Variants in DTNA observed in about 807,000 individuals in gnomAD.
The protein encoded by DTNA is dystrophin-related protein 3.
A neutral mutation model predicts 100.7 loss-of-function variants in DTNA; 43 were observed. The observed-to-expected ratio is 0.43, with a 90% CI of 0.33 to 0.55. The LOEUF is 0.55. Ranked by LOEUF, DTNA falls within the 20% of genes least tolerant of loss-of-function variation. DTNA has a pLI of 0.04. For missense variants in DTNA, 798 were observed against 953.9 expected (o/e 0.84, Z 2.15); for synonymous variants, 349 against 347.9 (o/e 1.00, Z -0.04).
chr18:34,783,335 G>T (rs2094403256), intron 3 of DTNA, among the ~76,000 whole-genome samples: 1 of 152,128 alleles, frequency 6.6e-6, no homozygotes, highest in Admixed American at 6.5e-5. Flanking sequence ...ATAGGCAATG[G>T]ATGTACTACC....
At chr18:34,547,074 G>A (rs921761786) in intron 1 of DTNA, among the ~76,000 whole-genome samples, 43 of 151,950 alleles carry the variant, frequency 2.8e-4, no homozygotes, top group Non-Finnish European at 4.0e-4. Context: ...GAAAGAATAA[G>A]TGTAATATAA....
At chr18:34,573,256 A>C (rs536586180) in intron 1 of DTNA, among the ~76,000 whole-genome samples, 1 of 152,324 alleles carries the variant, frequency 6.6e-6, no homozygotes, top group African/African-American at 2.4e-5. Context: ...TGCTGGGCAA[A>C]GCAGAAAGCT....
intron 1 of DTNA, among the ~76,000 whole-genome samples, chr18:34,694,681 CT>C (rs1010757006): frequency 3.3e-5 from 5 of 151,338 alleles, no homozygotes; most frequent in Middle Eastern, 3.4e-3. Context: ...AGGTGGCTGT[CT>C]TTTTTTTTAT....
chr18:34,803,449 G>A (rs982045664), intron 4 of DTNA, among the ~76,000 whole-genome samples: 3 of 151,946 alleles, frequency 2.0e-5, no homozygotes, highest in Non-Finnish European at 4.4e-5. Flanking sequence ...AGCTATCATT[G>A]TTTCATCCTT....
At chr18:34,679,174 A>G (rs981592426) in intron 1 of DTNA, among the ~76,000 whole-genome samples, 3 of 152,336 alleles carry the variant, frequency 2.0e-5, no homozygotes, top group Middle Eastern at 3.4e-3. Flanking sequence ...CAGGAACCCA[A>G]TGTTCCAGGC....
At chr18:34,798,717 G>A (rs2095090960) in intron 4 of DTNA, among the ~76,000 whole-genome samples, 1 of 152,146 alleles carries the variant, frequency 6.6e-6, no homozygotes, top group South Asian at 2.1e-4. Context: ...CCTATTTTCA[G>A]AGGTCAAGCT....
chr18:34,829,043 C>T lies in DTNA; in HGVS notation c.1086-357C>T, dbSNP rs772119129. On this transcript the variant is annotated intron_variant, in intron 10 of 22. Coordinates refer to ENST00000444659, the MANE Select transcript of DTNA (RefSeq NM_001386795.1). ...AAGGTCATTTTATATCATTTCAGCT[C>T]GGACGGTGCTTTTGGTGGATGCGTC... The T allele has an allele frequency of 1.8e-5, 29 of 1,614,000 alleles. No homozygotes were observed. The highest frequency in any genetic ancestry group is 2.7e-5 in the African/African-American group (2 of 74,918).
chr18:34,518,803 A>G (rs968255944), intron 1 of DTNA, among the ~76,000 whole-genome samples: 1 of 151,372 alleles, frequency 6.6e-6, no homozygotes, highest in African/African-American at 2.4e-5. Context: ...AATAGAATGC[A>G]GCACCTGAAA....
intron 1 of DTNA, among the ~76,000 whole-genome samples, chr18:34,549,428 G>T (rs1429737786): frequency 6.6e-6 from 1 of 151,858 alleles, no homozygotes; most frequent in African/African-American, 2.4e-5. Context: ...TAAAGGCATT[G>T]AAAGAAATAT....
chr18:34,509,103 A>T (rs2040783428), intron 1 of DTNA, among the ~76,000 whole-genome samples: 1 of 152,002 alleles, frequency 6.6e-6, no homozygotes, highest in Admixed American at 6.6e-5. Flanking sequence ...GTGCCTCTGC[A>T]GTGTTTTGGG....
At chr18:34,647,530 TGTA>T (rs1289184858) in intron 1 of DTNA, among the ~76,000 whole-genome samples, 2 of 152,080 alleles carry the variant, frequency 1.3e-5, no homozygotes, top group African/African-American at 4.8e-5. Flanking sequence ...GTCTGGGAAA[TGTA>T]GTAGAGCTGC....
chr18:34,706,774 A>G (rs1294953094), upstream of DTNA, among the ~76,000 whole-genome samples: 2 of 152,338 alleles, frequency 1.3e-5, no homozygotes, highest in South Asian at 4.1e-4. Flanking sequence ...AATTGTATAA[A>G]TTGAGATGGC....
intron 5 of DTNA, among the ~76,000 whole-genome samples, chr18:34,810,006 G>T (rs1048779788): frequency 2.6e-5 from 4 of 152,056 alleles, no homozygotes; most frequent in Non-Finnish European, 4.4e-5. Context: ...TTGTCAGATT[G>T]TTCTTGGCCC....
At chr18:34,810,250 G>T (rs547881106) in intron 5 of DTNA, among the ~76,000 whole-genome samples, 1 of 151,930 alleles carries the variant, frequency 6.6e-6, no homozygotes, top group Non-Finnish European at 1.5e-5. Flanking sequence ...TTGCCTCTAC[G>T]CCTACCCATA....
intron 5 of DTNA, among the ~76,000 whole-genome samples, chr18:34,810,439 GAT>G (rs905238542): frequency 2.0e-5 from 3 of 150,890 alleles, no homozygotes; most frequent in Non-Finnish European, 4.4e-5. Context: ...CGCACGGAAA[GAT>G]AAATACTGCA....
intron 1 of DTNA, among the ~76,000 whole-genome samples, chr18:34,580,235 A>C (rs556791162): frequency 6.6e-6 from 1 of 152,002 alleles, no homozygotes; most frequent in Non-Finnish European, 1.5e-5. Flanking sequence ...CTTTTTCATT[A>C]TATCTTTTTA....
At chr18:34,730,930 A>G (rs2087978201) in intron 1 of DTNA, among the ~76,000 whole-genome samples, 1 of 152,196 alleles carries the variant, frequency 6.6e-6, no homozygotes, top group Non-Finnish European at 1.5e-5. Flanking sequence ...ATGTCTCTCC[A>G]GAAACCTCTA....
In DTNA at chr18:34,888,591, T is replaced by G. The variant is rs1265223426; in HGVS notation, c.*857T>G. On this transcript the variant is annotated 3_prime_UTR_variant, in exon 23 of 23. Coordinates refer to ENST00000444659, the MANE Select transcript of DTNA (RefSeq NM_001386795.1). ...AGCATTCAAATTATATAGAATCTAG[T>G]TTTTAAAATCAGCACAGATCTTCTT... 5 of 985,742 alleles carry G rather than the reference T, an allele frequency of 5.1e-6. No homozygotes were observed. Among genetic ancestry groups the G allele is most frequent in the South Asian group, 4.7e-5 (1 of 21,294 alleles). 61.1% of individuals were successfully genotyped at this position (985,742 alleles called of 1,614,324 possible). A position where few individuals can be genotyped will look rare whatever the true frequency, so the allele number is the denominator to read the frequency against.
chr18:34,876,054 C>A (rs2096813737), intron 18 of DTNA, among the ~76,000 whole-genome samples: 1 of 152,172 alleles, frequency 6.6e-6, no homozygotes, highest in Non-Finnish European at 1.5e-5. Flanking sequence ...ATAAAAAAAT[C>A]ATTCTGTAGA....
Sources: gnomAD v4.1 joint callset for allele counts (sites outside exome capture counted in the v4.1 genomes callset) on GRCh38, gnomAD v4.1.1 for gene constraint, MANE v1.5 for transcripts, NCBI Gene and HGNC (gene_info 2026-07-23, HGNC 2026-07-21) for gene names.